ARHGAP24: variants seen among roughly 807,000 people sequenced by gnomAD.
ARHGAP24 encodes the protein Rho GTPase activating protein 24.
A neutral mutation model predicts 76.4 loss-of-function variants in ARHGAP24; 50 were observed. The ratio of observed to expected loss-of-function variants is 0.65; its 90% confidence interval spans 0.52 to 0.83. The LOEUF (loss-of-function observed/expected upper bound fraction) is 0.83. Among genes scored for constraint, ARHGAP24 ranks in the 40% least tolerant of loss-of-function variants. The pLI is 0.00. For missense variants in ARHGAP24, 930 were observed against 914.2 expected (o/e 1.02, Z -0.22); for synonymous variants, 345 against 323.3 (o/e 1.07, Z -0.72).
chr4:85,864,584 C>G (rs866770159), intron 3 of ARHGAP24, among the ~76,000 whole-genome samples: 4 of 149,918 alleles, frequency 2.7e-5, no homozygotes, highest in African/African-American at 9.8e-5. Context: ...GATAGACAGG[C>G]AATTATCTGA....
chr4:85,570,946 T>C, intron 2 of ARHGAP24: 1 of 479,436 alleles, frequency 2.1e-6, no homozygotes. Context: ...ATTTTAATAT[T>C]TACTAAGCCA....
Position 85,974,726 on chromosome 4 carries a change from A to T in ARHGAP24, c.733-162A>T, listed in dbSNP as rs182806716. 6.1e-3 allele frequency among the ~76,000 whole-genome samples: 935 copies of T among 152,352 alleles called. 5 individuals carry two copies. Among genetic ancestry groups the T allele is most frequent in the Middle Eastern group, 0.01 (3 of 294 alleles). ...AATCCTTGTACATCTTTGAAAATATATCTAAAATATTCACTGTGATGGTGG... is the reference window on the plus strand; with the variant it reads ...AATCCTTGTACATCTTTGAAAATATTTCTAAAATATTCACTGTGATGGTGG... On this transcript the variant is annotated intron_variant, in intron 6 of 9. Transcript: ENST00000395184.
At chr4:85,669,898 C>A (rs564024337) in intron 2 of ARHGAP24, among the ~76,000 whole-genome samples, 2 of 151,884 alleles carry the variant, frequency 1.3e-5, no homozygotes, top group South Asian at 4.2e-4. Context: ...ATATTGGTGA[C>A]TAAATTATCC....
chr4:85,632,181 A>G (rs1306398367), intron 2 of ARHGAP24, among the ~76,000 whole-genome samples: 1 of 151,724 alleles, frequency 6.6e-6, no homozygotes, highest in Non-Finnish European at 1.5e-5. Context: ...CTCATGATTC[A>G]TCTATTTTTG....
rs751407916 is a variant in ARHGAP24, at chr4:85,725,833, C to T, written c.268+3861C>T. Among the ~76,000 whole-genome samples the T allele has an allele frequency of 3.2e-4, 49 of 152,282 alleles. 1 individual carries two copies. Among genetic ancestry groups the T allele is most frequent in the Non-Finnish European group, 4.9e-4 (33 of 68,028 alleles). On this transcript the variant is annotated intron_variant, in intron 3 of 9. Transcript: ENST00000395184. Reference sequence around the variant, plus strand: ...CAACGTAAGGGAAATGCAGGCTGTTCCACTGTTGCTGCCTCCTTTGGCTTG... The same window carrying T: ...CAACGTAAGGGAAATGCAGGCTGTTTCACTGTTGCTGCCTCCTTTGGCTTG...
At chr4:85,666,303 C>G (rs568558180) in intron 2 of ARHGAP24, among the ~76,000 whole-genome samples, 1 of 152,294 alleles carries the variant, frequency 6.6e-6, no homozygotes, top group Non-Finnish European at 1.5e-5. Flanking sequence ...TCCAGTTGAT[C>G]GCATCGGCTC....
chr4:85,938,914 G>C (rs1169871868), intron 4 of ARHGAP24, among the ~76,000 whole-genome samples: 1 of 152,026 alleles, frequency 6.6e-6, no homozygotes, highest in South Asian at 2.1e-4. Flanking sequence ...GAGGAATTGA[G>C]GTCAGAAAGC....
At chr4:85,852,148 C>T (rs1394044571) in intron 3 of ARHGAP24, among the ~76,000 whole-genome samples, 2 of 152,132 alleles carry the variant, frequency 1.3e-5, no homozygotes, top group South Asian at 4.1e-4. Flanking sequence ...TTGTTTGTTT[C>T]ATTTTACTCT....
intron 1 of ARHGAP24, among the ~76,000 whole-genome samples, chr4:85,536,562 A>C (rs898671862): frequency 6.6e-6 from 1 of 152,130 alleles, no homozygotes. Flanking sequence ...AATTTTAATA[A>C]ATGGCTGTTG....
At chr4:85,691,727 T>G (rs763217390) in intron 2 of ARHGAP24, among the ~76,000 whole-genome samples, 75 of 152,346 alleles carry the variant, frequency 4.9e-4, no homozygotes, top group Middle Eastern at 3.4e-3. Context: ...AGCCTGTGGG[T>G]GTCATTACAT....
chr4:85,701,334 G>GT (rs1261915729), intron 2 of ARHGAP24, among the ~76,000 whole-genome samples: 1 of 151,970 alleles, frequency 6.6e-6, no homozygotes, highest in Non-Finnish European at 1.5e-5. Context: ...GGTTACATGG[G>GT]TAAGTTCTTT....
intron 3 of ARHGAP24, 103 bp downstream of exon 3, chr4:85,722,075 C>T (rs1226110085): frequency 8.3e-6 from 9 of 1,085,844 alleles, no homozygotes; most frequent in Non-Finnish European, 1.1e-5. Flanking sequence ...TGACTGAGAA[C>T]CTTAATTTGA....
intron 3 of ARHGAP24, among the ~76,000 whole-genome samples, chr4:85,779,664 T>A (rs563815468): frequency 6.6e-6 from 1 of 152,270 alleles, no homozygotes; most frequent in Admixed American, 6.5e-5. Context: ...GGAGGAACAT[T>A]TCTAAGAAGA....
At chr4:85,678,911 G>T (rs995012506) in intron 2 of ARHGAP24, among the ~76,000 whole-genome samples, 4 of 152,062 alleles carry the variant, frequency 2.6e-5, no homozygotes, top group African/African-American at 9.7e-5. Flanking sequence ...AGGGGCCAAG[G>T]GAAAATTTCC....
At chr4:85,953,223 AG>A (rs1209101860) in intron 5 of ARHGAP24, among the ~76,000 whole-genome samples, 2 of 152,194 alleles carry the variant, frequency 1.3e-5, no homozygotes, top group Non-Finnish European at 2.9e-5. Context: ...CTGCTGTTTC[AG>A]GTCCCCCAGC....
chr4:85,848,291 G>A (rs140406197), intron 3 of ARHGAP24, among the ~76,000 whole-genome samples: 6,295 of 152,052 alleles, frequency 0.041, 445 homozygotes, highest in African/African-American at 0.14. Flanking sequence ...CCATTAACTC[G>A]TCATTTACAT....
At chr4:85,718,919 C>T (rs1392727888) in intron 2 of ARHGAP24, among the ~76,000 whole-genome samples, 3 of 152,104 alleles carry the variant, frequency 2.0e-5, no homozygotes, top group East Asian at 1.9e-4. Context: ...TATGCTAGTG[C>T]GTTGCTTGAA....
intron 3 of ARHGAP24, among the ~76,000 whole-genome samples, chr4:85,810,125 T>C (rs1288739819): frequency 6.6e-6 from 1 of 152,230 alleles, no homozygotes; most frequent in Non-Finnish European, 1.5e-5. Context: ...ATGCTAGATG[T>C]TACACAAGCT....
intron 1 of ARHGAP24, among the ~76,000 whole-genome samples, chr4:85,562,902 G>C (rs540996980): frequency 6.6e-6 from 1 of 152,276 alleles, no homozygotes; most frequent in South Asian, 2.1e-4. Flanking sequence ...GGTTAGGAAG[G>C]GTAGTGAGGG....
Sources: gnomAD v4.1 joint callset for allele counts (sites outside exome capture counted in the v4.1 genomes callset) on GRCh38, gnomAD v4.1.1 for gene constraint, MANE v1.5 for transcripts, NCBI Gene and HGNC (gene_info 2026-07-23, HGNC 2026-07-21) for gene names.